The following ARHGAP24 variants were observed in gnomAD, a reference collection of about 807,000 sequenced individuals.
ARHGAP24 encodes the protein rho GTPase-activating protein 24.
In ARHGAP24, 50 loss-of-function variants were observed where a neutral mutation model predicts 76.4. That is an observed-to-expected ratio of 0.65 (90% CI 0.52 to 0.83). The LOEUF (loss-of-function observed/expected upper bound fraction) is 0.83, where lower values mean the gene tolerates loss of function less well. Ranked by LOEUF, ARHGAP24 falls within the 40% of genes least tolerant of loss-of-function variation. ARHGAP24 has a pLI of 0.00. For missense variants in ARHGAP24, 930 were observed against 914.2 expected (o/e 1.02, Z -0.22); for synonymous variants, 345 against 323.3 (o/e 1.07, Z -0.72).
intron 2 of ARHGAP24, among the ~76,000 whole-genome samples, chr4:85,672,517 C>G (rs529055410): frequency 6.6e-6 from 1 of 152,186 alleles, no homozygotes; most frequent in South Asian, 2.1e-4. Flanking sequence ...TGGAGTTGCA[C>G]AGGCTGATCT....
intron 2 of ARHGAP24, among the ~76,000 whole-genome samples, chr4:85,587,377 C>CT (rs1727904997): frequency 6.6e-6 from 1 of 152,122 alleles, no homozygotes; most frequent in African/African-American, 2.4e-5. Flanking sequence ...TGCCCCTGTG[C>CT]TATAATAGTT....
At chr4:85,999,036 T>G (rs1038024220) in intron 9 of ARHGAP24, among the ~76,000 whole-genome samples, 5 of 152,234 alleles carry the variant, frequency 3.3e-5, no homozygotes, top group African/African-American at 1.2e-4. Flanking sequence ...CTTAAAACTT[T>G]TCCAGCACTT....
chr4:85,720,999 A>G (rs1441457083), intron 2 of ARHGAP24, among the ~76,000 whole-genome samples: 2 of 152,218 alleles, frequency 1.3e-5, no homozygotes, highest in African/African-American at 4.8e-5. Flanking sequence ...GCAAACAAAA[A>G]AATAGAATAG....
Position 85,934,504 on chromosome 4 carries a change from A to G in ARHGAP24, c.392-7562A>G, listed in dbSNP as rs534607294. 6.4e-4 allele frequency among the ~76,000 whole-genome samples: 98 copies of G among 152,028 alleles called. 1 individual carries two copies. The highest frequency in any genetic ancestry group is 2.1e-3 in the African/African-American group (88 of 41,450). ...CCTAACTCTATAGCTCTTATGTTTT[A>G]TTTTTATTTATTTATTTGTTTGTTT... On this transcript the variant is annotated intron_variant, in intron 4 of 9. Coordinates refer to ENST00000395184, the MANE Select transcript of ARHGAP24 (RefSeq NM_001025616.3).
intron 1 of ARHGAP24, among the ~76,000 whole-genome samples, chr4:85,521,588 C>T (rs1209554471): frequency 6.6e-6 from 1 of 152,116 alleles, no homozygotes; most frequent in Non-Finnish European, 1.5e-5. Flanking sequence ...GTCATCACAG[C>T]TAATCCCCAG....
chr4:85,550,180 C>A (rs1488994145), intron 1 of ARHGAP24, among the ~76,000 whole-genome samples: 5 of 152,184 alleles, frequency 3.3e-5, no homozygotes, highest in African/African-American at 9.7e-5. Flanking sequence ...AATCACCAAA[C>A]TGCTTTTCAC....
At chr4:85,480,313 A>T (rs929882927) in intron 1 of ARHGAP24, among the ~76,000 whole-genome samples, 28 of 152,184 alleles carry the variant, frequency 1.8e-4, no homozygotes, top group African/African-American at 5.3e-4. Context: ...CTTCTGATTA[A>T]CTAGTGGGTT....
intron 2 of ARHGAP24, among the ~76,000 whole-genome samples, chr4:85,593,720 C>A (rs1352328148): frequency 6.6e-6 from 1 of 152,096 alleles, no homozygotes; most frequent in Admixed American, 6.6e-5. Flanking sequence ...GTCCTTTCCC[C>A]AATGTATGTT....
At chr4:85,541,806 G>A (rs1725715445) in intron 1 of ARHGAP24, among the ~76,000 whole-genome samples, 1 of 151,974 alleles carries the variant, frequency 6.6e-6, no homozygotes. Context: ...GATTAATTAT[G>A]CAGAAGAAAA....
intron 1 of ARHGAP24, among the ~76,000 whole-genome samples, chr4:85,490,289 C>T (rs543156775): frequency 6.6e-6 from 1 of 152,090 alleles, no homozygotes; most frequent in Admixed American, 6.6e-5. Context: ...AGATTGATTC[C>T]TGATACCAAT....
At chr4:85,788,932 A>G (rs1017012542) in intron 3 of ARHGAP24, among the ~76,000 whole-genome samples, 1 of 152,190 alleles carries the variant, frequency 6.6e-6, no homozygotes, top group Admixed American at 6.5e-5. Context: ...ATAATAAGAA[A>G]TACATATTTG....
At chr4:85,724,115 T>C (rs1725063809) in intron 3 of ARHGAP24, among the ~76,000 whole-genome samples, 1 of 152,206 alleles carries the variant, frequency 6.6e-6, no homozygotes, top group African/African-American at 2.4e-5. Context: ...TATAGAACCC[T>C]CGGCAGGCCG....
intron 1 of ARHGAP24, among the ~76,000 whole-genome samples, chr4:85,505,329 T>A (rs535516407): frequency 3.2e-4 from 49 of 152,328 alleles, no homozygotes; most frequent in Non-Finnish European, 6.8e-4. Flanking sequence ...CCAACTTGGT[T>A]CCATTCTCCC....
At chr4:85,813,982 G>A (rs1729127625) in intron 3 of ARHGAP24, among the ~76,000 whole-genome samples, 1 of 151,868 alleles carries the variant, frequency 6.6e-6, no homozygotes, top group South Asian at 2.1e-4. Flanking sequence ...ACAGCAGAAG[G>A]TGAAAGGCAT....
At chr4:85,998,096 TAATC>T (rs1455893916) in intron 9 of ARHGAP24, among the ~76,000 whole-genome samples, 2 of 152,234 alleles carry the variant, frequency 1.3e-5, no homozygotes, top group East Asian at 1.9e-4. Flanking sequence ...TCAAGTCTGT[TAATC>T]AGGCTATTCA....
intron 1 of ARHGAP24, among the ~76,000 whole-genome samples, chr4:85,552,593 A>T (rs911485834): frequency 6.6e-6 from 1 of 152,040 alleles, no homozygotes; most frequent in Non-Finnish European, 1.5e-5. Context: ...TGCCTCTATG[A>T]TCTGTCTAAT....
chr4:85,552,864 A>T (rs774947323), intron 1 of ARHGAP24, among the ~76,000 whole-genome samples: 1 of 152,040 alleles, frequency 6.6e-6, no homozygotes, highest in Non-Finnish European at 1.5e-5. Flanking sequence ...ATTTTTCTCT[A>T]TCCCTTTACT....
intron 3 of ARHGAP24, among the ~76,000 whole-genome samples, chr4:85,920,560 C>T (rs1327537192): frequency 6.6e-6 from 1 of 152,068 alleles, no homozygotes; most frequent in Admixed American, 6.5e-5. Context: ...AACTTCTGCA[C>T]AGCAAAAGAA....
At chr4:85,680,680 T>C (rs1454924087) in intron 2 of ARHGAP24, among the ~76,000 whole-genome samples, 1 of 151,902 alleles carries the variant, frequency 6.6e-6, no homozygotes, top group Admixed American at 6.6e-5. Context: ...AGGTATTAAG[T>C]GGCAGAAATT....
Sources: allele counts gnomAD v4.1 joint callset (sites outside exome capture counted in the v4.1 genomes callset), GRCh38; gene constraint gnomAD v4.1.1; transcripts MANE v1.5; gene names NCBI Gene and HGNC (gene_info 2026-07-23, HGNC 2026-07-21).